The following CDH13 variants were observed in gnomAD, a reference collection of about 807,000 sequenced individuals.
CDH13 encodes cadherin-13.
In CDH13, 24 loss-of-function variants were observed where a neutral mutation model predicts 63.8. That is an observed-to-expected ratio of 0.38 (90% CI 0.27 to 0.53). The LOEUF is 0.53. CDH13 is among the 20% of genes least tolerant of loss of function. CDH13 has a pLI of 0.85. For missense variants in CDH13, 1,049 were observed against 903.1 expected (o/e 1.16, Z -2.07); for synonymous variants, 503 against 355.3 (o/e 1.42, Z -4.67).
chr16:83,199,977 G>A (rs1453716334), intron 4 of CDH13, among the ~76,000 whole-genome samples: 1 of 152,200 alleles, frequency 6.6e-6, no homozygotes, highest in African/African-American at 2.4e-5. Flanking sequence ...GAGAAATGAA[G>A]GCACAGGGAA....
intron 5 of CDH13, among the ~76,000 whole-genome samples, chr16:83,236,598 C>T (rs954648294): frequency 3.9e-5 from 6 of 152,086 alleles, no homozygotes; most frequent in African/African-American, 1.4e-4. Context: ...AAAAACAGTT[C>T]TGGAGACAGA....
chr16:82,829,790 T>G (rs1482304903), intron 1 of CDH13, among the ~76,000 whole-genome samples: 3 of 152,194 alleles, frequency 2.0e-5, no homozygotes, highest in Non-Finnish European at 1.5e-5. Context: ...CAAGCACAAA[T>G]AACCAGTGGC....
At chr16:83,747,202 C>A (rs570370327) in intron 10 of CDH13, among the ~76,000 whole-genome samples, 1 of 152,274 alleles carries the variant, frequency 6.6e-6, no homozygotes, top group East Asian at 1.9e-4. Flanking sequence ...TGTTTCTGTT[C>A]CATCTGTAAT....
intron 5 of CDH13, among the ~76,000 whole-genome samples, chr16:83,289,271 A>G (rs1247732469): frequency 6.6e-6 from 1 of 152,184 alleles, no homozygotes; most frequent in African/African-American, 2.4e-5. Flanking sequence ...TGAAATTGTA[A>G]CACCAGCTTC....
At chr16:83,661,767 T>A (rs1398188256) in intron 8 of CDH13, among the ~76,000 whole-genome samples, 2 of 152,222 alleles carry the variant, frequency 1.3e-5, no homozygotes, top group Non-Finnish European at 2.9e-5. Flanking sequence ...AGCCATGGAC[T>A]CAGCACCTTC....
chr16:83,039,467 T>C (rs970893629), intron 3 of CDH13, among the ~76,000 whole-genome samples: 1 of 152,212 alleles, frequency 6.6e-6, no homozygotes, highest in Non-Finnish European at 1.5e-5. Flanking sequence ...CCTACTGGTC[T>C]CACTCTTGGC....
chr16:82,993,961 A>T (rs1911928737), intron 2 of CDH13, among the ~76,000 whole-genome samples: 1 of 152,098 alleles, frequency 6.6e-6, no homozygotes, highest in African/African-American at 2.4e-5. Context: ...TCCCTGCAAG[A>T]TCCTGAAGCC....
chr16:82,884,430 G>A (rs954843329), intron 2 of CDH13: 3 of 312,680 alleles, frequency 9.6e-6, no homozygotes, highest in Admixed American at 4.0e-5. Flanking sequence ...GACAAAGCAA[G>A]ATGCTTAGTT....
At chr16:83,170,987 C>T (rs1189273384) in intron 4 of CDH13, among the ~76,000 whole-genome samples, 1 of 151,846 alleles carries the variant, frequency 6.6e-6, no homozygotes, top group Non-Finnish European at 1.5e-5. Context: ...TCTTTTTACC[C>T]GCCCGCCTCC....
intron 8 of CDH13, among the ~76,000 whole-genome samples, chr16:83,650,092 C>A (rs878886239): frequency 6.6e-6 from 1 of 152,152 alleles, no homozygotes; most frequent in Admixed American, 6.5e-5. Context: ...AGCCTCTGCT[C>A]CTTTGTAGGT....
intron 2 of CDH13, 48 bp from the exon 3 acceptor site, chr16:83,031,962 G>A (rs550927856): frequency 1.4e-6 from 2 of 1,434,554 alleles, no homozygotes; most frequent in Admixed American, 2.0e-5. Context: ...TCAGAGATAA[G>A]CTGCCCAACC....
intron 7 of CDH13, among the ~76,000 whole-genome samples, chr16:83,531,063 G>T (rs537422312): frequency 2.0e-5 from 3 of 152,104 alleles, no homozygotes; most frequent in African/African-American, 7.2e-5. Flanking sequence ...ACTTTCTTCC[G>T]GTAAAGTTCT....
chr16:82,757,726 C>T (rs1459025766), intron 1 of CDH13, among the ~76,000 whole-genome samples: 1 of 149,722 alleles, frequency 6.7e-6, no homozygotes, highest in Admixed American at 6.7e-5. Context: ...TCACTGCAAC[C>T]TCTGCAGCGG....
intron 1 of CDH13, among the ~76,000 whole-genome samples, chr16:82,803,556 C>T (rs1847517414): frequency 2.6e-5 from 4 of 152,126 alleles, no homozygotes; most frequent in Admixed American, 6.5e-5. Flanking sequence ...TTCCTGTAGT[C>T]GCTCTAAGTC....
At chr16:83,016,288 G>A (rs972464312) in intron 2 of CDH13, among the ~76,000 whole-genome samples, 1 of 152,176 alleles carries the variant, frequency 6.6e-6, no homozygotes, top group African/African-American at 2.4e-5. Context: ...ATAAAGTCTT[G>A]TCAACTAGAC....
At chr16:83,516,397 T>C (rs2074699814) in intron 7 of CDH13, among the ~76,000 whole-genome samples, 2 of 152,160 alleles carry the variant, frequency 1.3e-5, no homozygotes, top group Admixed American at 6.5e-5. Flanking sequence ...CCTATAAAAA[T>C]AGTGTCAACA....
intron 2 of CDH13, among the ~76,000 whole-genome samples, chr16:82,978,012 G>A (rs915110389): frequency 3.9e-5 from 6 of 152,168 alleles, no homozygotes; most frequent in African/African-American, 1.2e-4. Context: ...GGAAACTGGA[G>A]CAAAGGTGAC....
chr16:82,933,040 C>A (rs1038323681), intron 2 of CDH13, among the ~76,000 whole-genome samples: 2 of 152,004 alleles, frequency 1.3e-5, no homozygotes, highest in Non-Finnish European at 2.9e-5. Context: ...TATGACATAT[C>A]TTTGAGAAAG....
At chr16:83,687,213 G>GA (rs916470539) in intron 10 of CDH13, among the ~76,000 whole-genome samples, 45 of 149,054 alleles carry the variant, frequency 3.0e-4, no homozygotes, top group South Asian at 1.7e-3. Flanking sequence ...ACTTCGTCTA[G>GA]AAAAAAAAAA....
Sources: gnomAD v4.1 joint callset for allele counts (sites outside exome capture counted in the v4.1 genomes callset) on GRCh38, gnomAD v4.1.1 for gene constraint, MANE v1.5 for transcripts, NCBI Gene and HGNC (gene_info 2026-07-23, HGNC 2026-07-21) for gene names.